The following C1orf105 variants were observed in gnomAD, a reference collection of about 807,000 sequenced individuals.
C1orf105 encodes chromosome 1 open reading frame 105.
In C1orf105, 17 loss-of-function variants were observed where a neutral mutation model predicts 20.8. The observed-to-expected ratio is 0.82, with a 90% CI of 0.56 to 1.23. The LOEUF is 1.23. C1orf105 is among the 50% of genes most tolerant of loss of function. The probability of loss-of-function intolerance (pLI) is 0.00; values close to 1 mark genes in which losing one functional copy is unlikely to be tolerated. For missense variants in C1orf105, 219 were observed against 213.5 expected (o/e 1.03, Z -0.16); for synonymous variants, 72 against 72.1 (o/e 1.00, Z 0.01).
chr1:172,448,529 A>C lies in C1orf105; in HGVS notation c.196A>C (p.Lys66Gln). ...GTTTCAAGTTCCAGATGTTTTATCT[A>C]AGGTACTAAAAAATTTTTGTTGAAA... The part of the protein sequence containing the change: ...ILFQVPDVLS[K>Q]ARRNQCDSML... Residue 66 changes from lysine to glutamine, a missense_variant and splice_region_variant, in exon 3 of 7, where the codon AAG (lysine) becomes CAG (glutamine). By Grantham distance (53) the Lys-to-Gln change is moderately conservative. Transcript: ENST00000367727. 6.3e-7 allele frequency: 1 copy of C among 1,594,174 alleles called. No individual in the cohort carries two copies. Among genetic ancestry groups the C allele is most frequent in the Non-Finnish European group, 8.6e-7 (1 of 1,162,898 alleles).
chr1:172,423,842 T>C (rs909499510), intron 1 of C1orf105, among the ~76,000 whole-genome samples: 5 of 151,998 alleles, frequency 3.3e-5, no homozygotes, highest in Admixed American at 6.5e-5. Flanking sequence ...GATGCATCCA[T>C]CAGAGGCTGT....
At chr1:172,432,364 T>C (rs1043822397) in intron 1 of C1orf105, among the ~76,000 whole-genome samples, 1 of 152,090 alleles carries the variant, frequency 6.6e-6, no homozygotes, top group Non-Finnish European at 1.5e-5. Context: ...CTCATACAGG[T>C]GGGTGCCTCT....
At chr1:172,442,278 G>C in intron 1 of C1orf105, 5 of 1,613,682 alleles carry the variant, frequency 3.1e-6, no homozygotes, top group Non-Finnish European at 4.2e-6. Flanking sequence ...CAGCCCACCG[G>C]GTCTGCCCAC....
chr1:172,461,178 T>C (rs1649667707), intron 4 of C1orf105, among the ~76,000 whole-genome samples: 1 of 152,228 alleles, frequency 6.6e-6, no homozygotes, highest in Non-Finnish European at 1.5e-5. Flanking sequence ...GATCAGCTCC[T>C]TCCTCTCCCT....
intron 3 of C1orf105, among the ~76,000 whole-genome samples, chr1:172,455,557 A>G (rs1649147416): frequency 6.6e-6 from 1 of 152,248 alleles, no homozygotes; most frequent in Non-Finnish European, 1.5e-5. Context: ...GTTTAGCCTC[A>G]AGTTCCTATA....
chr1:172,422,601 C>T (rs2071619015), intron 1 of C1orf105, among the ~76,000 whole-genome samples: 1 of 151,778 alleles, frequency 6.6e-6, no homozygotes, highest in African/African-American at 2.4e-5. Flanking sequence ...TTGAGAAGAA[C>T]AGAGGGAAGA....
intron 1 of C1orf105, among the ~76,000 whole-genome samples, chr1:172,439,950 T>G (rs763187806): frequency 1.7e-4 from 26 of 152,160 alleles, no homozygotes; most frequent in Non-Finnish European, 2.2e-4. Context: ...TGAAACCCTT[T>G]TCTCCTCATT....
intron 1 of C1orf105, among the ~76,000 whole-genome samples, chr1:172,429,479 A>G (rs759407384): frequency 1.3e-5 from 2 of 152,230 alleles, no homozygotes; most frequent in Non-Finnish European, 2.9e-5. Flanking sequence ...AGGGAAATCA[A>G]TCACTTCCAC....
chr1:172,447,991 G>A (rs1648199922), intron 2 of C1orf105, among the ~76,000 whole-genome samples: 1 of 152,198 alleles, frequency 6.6e-6, no homozygotes, highest in Admixed American at 6.5e-5. Flanking sequence ...GGAAAAGAAT[G>A]GGTGAAGGGA....
intron 3 of C1orf105, among the ~76,000 whole-genome samples, chr1:172,454,637 T>C (rs1649035479): frequency 6.6e-6 from 1 of 152,120 alleles, no homozygotes; most frequent in African/African-American, 2.4e-5. Flanking sequence ...TGTTGTATAG[T>C]GTTTCCTGGG....
intron 3 of C1orf105, among the ~76,000 whole-genome samples, chr1:172,454,792 A>G (rs935905737): frequency 1.3e-5 from 2 of 151,924 alleles, no homozygotes; most frequent in Non-Finnish European, 1.5e-5. Flanking sequence ...TGGAGCCTCG[A>G]TATATTTCTG....
chr1:172,456,548 C>G, intron 4 of C1orf105, 59 bp downstream of exon 4: 1 of 1,506,798 alleles, frequency 6.6e-7, no homozygotes, highest in Non-Finnish European at 9.2e-7. Flanking sequence ...CACTGCCCTT[C>G]CCAGCCAAGC....
Position 172,456,468 on chromosome 1 carries a change from C to T in C1orf105, c.252C>T (p.Ser84=), listed in dbSNP as rs1649261629. 6.2e-7 allele frequency: 1 copy of T among 1,613,530 alleles called. No homozygotes were observed. Among genetic ancestry groups the T allele is most frequent in the East Asian group, 2.2e-5 (1 of 44,878 alleles). Reference sequence around the variant, plus strand: ...TGCTCAGAAACCAACAGCTGTGCTCCACATGTCAAGAAATGAAAATGGTAG... The same window carrying T: ...TGCTCAGAAACCAACAGCTGTGCTCTACATGTCAAGAAATGAAAATGGTAG... ...SMLLRNQQLC[S]TCQEMKMVQP... The change falls in exon 4 of 7, where the codon TCC becomes TCT. Residue 84 remains serine, a synonymous_variant. Transcript: ENST00000367727.
intron 4 of C1orf105, among the ~76,000 whole-genome samples, chr1:172,459,010 T>G (rs1389923740): frequency 1.3e-5 from 2 of 152,164 alleles, no homozygotes; most frequent in Non-Finnish European, 2.9e-5. Context: ...AATGAATTTG[T>G]ACCTCTTCCT....
At chr1:172,441,971 T>G in intron 1 of C1orf105, 1 of 1,614,206 alleles carries the variant, frequency 6.2e-7, no homozygotes, top group East Asian at 2.2e-5. Flanking sequence ...TTTAGTTTCT[T>G]CTGCAACATG....
At chr1:172,432,042 C>G (rs2071890103) in intron 1 of C1orf105, among the ~76,000 whole-genome samples, 1 of 152,204 alleles carries the variant, frequency 6.6e-6, no homozygotes, top group Non-Finnish European at 1.5e-5. Context: ...GGGGGAGGGG[C>G]GTCCTCCATC....
intron 4 of C1orf105, among the ~76,000 whole-genome samples, chr1:172,461,012 A>G (rs1323858583): frequency 1.3e-5 from 2 of 152,232 alleles, no homozygotes; most frequent in Admixed American, 6.5e-5. Context: ...AGTTTCCTGC[A>G]TCTTCCCTTG....
chr1:172,464,232 C>T (rs1287274069), intron 5 of C1orf105, among the ~76,000 whole-genome samples: 1 of 152,184 alleles, frequency 6.6e-6, no homozygotes, highest in Non-Finnish European at 1.5e-5. Flanking sequence ...CCTGAACATA[C>T]CATCTGCCTG....
At chr1:172,461,155 C>T (rs1290749446) in intron 4 of C1orf105, among the ~76,000 whole-genome samples, 3 of 152,232 alleles carry the variant, frequency 2.0e-5, no homozygotes, top group African/African-American at 7.2e-5. Flanking sequence ...TGCCCAGAGG[C>T]TCTTTGTTAC....
Sources: gnomAD v4.1 joint callset for allele counts (sites outside exome capture counted in the v4.1 genomes callset) on GRCh38, gnomAD v4.1.1 for gene constraint, MANE v1.5 for transcripts, NCBI Gene and HGNC (gene_info 2026-07-23, HGNC 2026-07-21) for gene names.